CTNNA2: variants seen among roughly 807,000 people sequenced by gnomAD.
CTNNA2 encodes the protein catenin alpha-2.
Under a neutral mutation model 101.0 loss-of-function variants are expected in CTNNA2, and 42 were observed. The observed-to-expected ratio is 0.42, with a 90% CI of 0.32 to 0.54. The LOEUF (loss-of-function observed/expected upper bound fraction) is 0.54. CTNNA2 is among the 20% of genes least tolerant of loss of function. The pLI is 0.14. For synonymous variants in CTNNA2, 450 were observed against 456.4 expected, an observed-to-expected ratio of 0.99 and a Z score of 0.18; for missense variants, 871 against 1,223.1, an observed-to-expected ratio of 0.71 and a Z score of 4.29.
intron 18 of CTNNA2, among the ~76,000 whole-genome samples, chr2:80,622,672 T>C (rs1671249616): frequency 6.6e-6 from 1 of 151,882 alleles, no homozygotes; most frequent in Non-Finnish European, 1.5e-5. Flanking sequence ...TGAAAGCCTC[T>C]CTGTTGCTGT....
intron 7 of CTNNA2, among the ~76,000 whole-genome samples, chr2:80,326,729 C>A (rs1046084355): frequency 6.6e-6 from 1 of 151,972 alleles, no homozygotes; most frequent in Non-Finnish European, 1.5e-5. Flanking sequence ...GGAAAAAAAT[C>A]TTCAAAAGAA....
At chr2:80,336,745 A>G (rs926637229) in intron 7 of CTNNA2, among the ~76,000 whole-genome samples, 1 of 152,210 alleles carries the variant, frequency 6.6e-6, no homozygotes, top group African/African-American at 2.4e-5. Flanking sequence ...TTCACAGGAA[A>G]CAGATTTGTG....
At chr2:79,724,592 C>A (rs1366233202) in intron 2 of CTNNA2, among the ~76,000 whole-genome samples, 1 of 151,804 alleles carries the variant, frequency 6.6e-6, no homozygotes, top group African/African-American at 2.4e-5. Context: ...GAGGCGGTCG[C>A]ATCAGGAGGT....
chr2:80,158,605 T>A (rs973474043), intron 7 of CTNNA2, among the ~76,000 whole-genome samples: 10 of 152,172 alleles, frequency 6.6e-5, no homozygotes, highest in African/African-American at 2.4e-4. Context: ...GCTATAGTTT[T>A]GTTGTTTTAA....
rs539081182 is a variant in CTNNA2, at chr2:79,668,097, G to A, written c.102+16439G>A. Among the ~76,000 whole-genome samples, 1,025 of 150,714 alleles carry A rather than the reference G, an allele frequency of 6.8e-3. 11 individuals carry two copies. The highest frequency in any genetic ancestry group is 0.022 in the African/African-American group (898 of 41,172). ...CTACTAAAAATACAAAAAATTAGCC[G>A]GGCGCGGTGGCGGGCGCCTGTAGTC... On this transcript the variant is annotated intron_variant, in intron 2 of 18. Coordinates refer to ENST00000402739, the MANE Select transcript of CTNNA2 (RefSeq NM_001282597.3).
intron 7 of CTNNA2, among the ~76,000 whole-genome samples, chr2:79,915,725 G>T (rs1686151879): frequency 1.3e-5 from 2 of 152,092 alleles, no homozygotes. Context: ...AAATTTAAGT[G>T]CCTCTGGGAT....
At position 80,163,938 on chromosome 2, in the gene CTNNA2, A is replaced by G. The variant is rs1476808942; in HGVS notation, c.1057-229273A>G. 3.4e-5 allele frequency among the ~76,000 whole-genome samples: 5 copies of G among 148,206 alleles called. No individual in the cohort carries two copies. In the East Asian group the frequency reaches 9.7e-4, roughly 29 times the overall value. On this transcript the variant is annotated intron_variant, in intron 7 of 18. Coordinates refer to ENST00000402739, the MANE Select transcript of CTNNA2 (RefSeq NM_001282597.3). ...AATATAGCCAATTCTGCTTTTTTTC[A>G]TTAATAATATTTATATTTTCATATA...
At chr2:80,360,829 C>A (rs753679775) in intron 7 of CTNNA2, among the ~76,000 whole-genome samples, 11 of 152,054 alleles carry the variant, frequency 7.2e-5, no homozygotes, top group Non-Finnish European at 1.6e-4. Flanking sequence ...GAGATCTATG[C>A]AGAACCTGGA....
Position 80,647,911 on chromosome 2 carries a change from C to CT in CTNNA2, c.*42dup, listed in dbSNP as rs754547685. On this transcript the variant is annotated 3_prime_UTR_variant, in exon 19 of 19. Transcript: ENST00000402739. The stretch of plus-strand genomic sequence containing the variant: ...AACAAGAAAGCTTTTTCTTTCTTTT[C>CT]TTTCTTTCTTTTTCTTTTTAATTCC... The CT allele has an allele frequency of 1.1e-5, 17 of 1,520,358 alleles. No homozygotes were observed. In the African/African-American group the frequency reaches 2.0e-4, roughly 17 times the overall value. 94.2% of individuals were successfully genotyped at this position (1,520,358 alleles called of 1,614,324 possible).
chr2:80,168,620 A>G (rs1704849077), intron 7 of CTNNA2, among the ~76,000 whole-genome samples: 3 of 152,144 alleles, frequency 2.0e-5, no homozygotes, highest in Admixed American at 6.5e-5. Flanking sequence ...CCAGGCCATA[A>G]TATCCATTCT....
At chr2:80,025,195 G>C (rs1261536493) in intron 7 of CTNNA2, among the ~76,000 whole-genome samples, 1 of 152,152 alleles carries the variant, frequency 6.6e-6, no homozygotes, top group African/African-American at 2.4e-5. Flanking sequence ...TAGCGGGATG[G>C]GCCAGGGTGG....
At chr2:79,624,645 G>T (rs1679194774) in intron 1 of CTNNA2, among the ~76,000 whole-genome samples, 1 of 152,130 alleles carries the variant, frequency 6.6e-6, no homozygotes. Flanking sequence ...GAATTAATTA[G>T]TTAATTCAAT....
At chr2:79,747,745 A>G (rs1671740617) in intron 3 of CTNNA2, among the ~76,000 whole-genome samples, 2 of 152,188 alleles carry the variant, frequency 1.3e-5, no homozygotes, top group Admixed American at 1.3e-4. Flanking sequence ...TACAGATGCT[A>G]ATTTAACACA....
intron 3 of CTNNA2, among the ~76,000 whole-genome samples, chr2:79,327,311 G>A (rs1276269537): frequency 6.6e-6 from 1 of 152,066 alleles, no homozygotes; most frequent in East Asian, 1.9e-4. Flanking sequence ...GTATTATTTT[G>A]CCCGAAGCAT....
intron 2 of CTNNA2, among the ~76,000 whole-genome samples, chr2:79,671,847 A>G (rs1168838916): frequency 6.6e-6 from 1 of 152,212 alleles, no homozygotes; most frequent in Non-Finnish European, 1.5e-5. Context: ...CATGTGGATT[A>G]CCTGTGTCAT....
intron 9 of CTNNA2, among the ~76,000 whole-genome samples, chr2:80,520,126 G>C (rs1573112368): frequency 6.6e-6 from 1 of 152,104 alleles, no homozygotes; most frequent in African/African-American, 2.4e-5. Flanking sequence ...AATTTCAGCT[G>C]AGTCACTTTC....
chr2:80,001,158 CA>C (rs1692920877), intron 7 of CTNNA2, among the ~76,000 whole-genome samples: 1 of 152,144 alleles, frequency 6.6e-6, no homozygotes, highest in African/African-American at 2.4e-5. Flanking sequence ...TTTAAACTAT[CA>C]GTAATTAATT....
At chr2:79,972,100 G>A (rs893069650) in intron 7 of CTNNA2, among the ~76,000 whole-genome samples, 1 of 152,190 alleles carries the variant, frequency 6.6e-6, no homozygotes, top group African/African-American at 2.4e-5. Flanking sequence ...CAGACTCAGA[G>A]AGGGGACCAT....
intron 7 of CTNNA2, among the ~76,000 whole-genome samples, chr2:80,231,637 T>C (rs917445588): frequency 6.6e-6 from 1 of 152,080 alleles, no homozygotes; most frequent in Non-Finnish European, 1.5e-5. Context: ...ACATTAACAT[T>C]AAAAGAGAGA....
Sources: allele counts gnomAD v4.1 joint callset (sites outside exome capture counted in the v4.1 genomes callset), GRCh38; gene constraint gnomAD v4.1.1; transcripts MANE v1.5; gene names NCBI Gene and HGNC (gene_info 2026-07-23, HGNC 2026-07-21).